NTRK3: variants seen among roughly 807,000 people sequenced by gnomAD.
NTRK3 encodes NT-3 growth factor receptor.
In NTRK3, 24 loss-of-function variants were observed where a neutral mutation model predicts 91.7. The observed-to-expected ratio is 0.26, with a 90% CI of 0.19 to 0.37. The LOEUF is 0.37. Ranked by LOEUF, NTRK3 falls within the 10% of genes least tolerant of loss-of-function variation. The pLI is 1.00. For missense variants in NTRK3, 880 were observed against 1,068.9 expected, an observed-to-expected ratio of 0.82 and a Z score of 2.46; for synonymous variants, 483 against 404.0, an observed-to-expected ratio of 1.20 and a Z score of -2.34.
At chr15:88,033,424 C>A (rs1486546121) in intron 13 of NTRK3, among the ~76,000 whole-genome samples, 3 of 151,510 alleles carry the variant, frequency 2.0e-5, no homozygotes, top group Non-Finnish European at 2.9e-5. Flanking sequence ...GATTCTCATG[C>A]CTCAGCCTCT....
intron 15 of NTRK3, among the ~76,000 whole-genome samples, chr15:87,933,766 A>G (rs545878207): frequency 2.0e-5 from 3 of 152,192 alleles, no homozygotes; most frequent in African/African-American, 4.8e-5. Flanking sequence ...TGTTCTCCCA[A>G]TAGGGGTTTG....
intron 5 of NTRK3, among the ~76,000 whole-genome samples, chr15:88,150,698 A>C (rs2043291259): frequency 6.6e-6 from 1 of 152,174 alleles, no homozygotes; most frequent in Non-Finnish European, 1.5e-5. Flanking sequence ...CAACCCTTGC[A>C]ACTGTACACA....
chr15:87,914,235 T>G (rs1425628858), intron 17 of NTRK3, among the ~76,000 whole-genome samples: 1 of 152,236 alleles, frequency 6.6e-6, no homozygotes, highest in African/African-American at 2.4e-5. Context: ...ATTCTCTGTG[T>G]GCAATAATAA....
At chr15:87,915,322 T>C (rs2067373304) in intron 17 of NTRK3, among the ~76,000 whole-genome samples, 1 of 152,232 alleles carries the variant, frequency 6.6e-6, no homozygotes, top group African/African-American at 2.4e-5. Context: ...GACAGGTGCA[T>C]CACCCTAAGC....
chr15:88,107,853 A>G (rs1226595185), intron 13 of NTRK3, among the ~76,000 whole-genome samples: 2 of 152,086 alleles, frequency 1.3e-5, no homozygotes, highest in African/African-American at 4.8e-5. Context: ...CCAAACTGGA[A>G]GTGGTCACTA....
At position 88,235,135 on chromosome 15, in the gene NTRK3, G is replaced by T. The variant is rs575307236; in HGVS notation, c.248+20771C>A. Among the ~76,000 whole-genome samples, 2 of 152,278 alleles carry T rather than the reference G, an allele frequency of 1.3e-5. No homozygotes were observed. Among genetic ancestry groups the T allele is most frequent in the South Asian group, 4.1e-4 (2 of 4,822 alleles). On this transcript the variant is annotated intron_variant, in intron 3 of 18. Transcript: ENST00000394480. This position sits in a 1 kb window ranked among gnomAD's most constrained non-coding sequence, Gnocchi z 5.2. ...AGAGCACTCTGTTGAGTACCTTCAC[G>T]GAACTTCTTACTCCTGATATGATTG...
chr15:87,875,620 G>T (rs111352549), exon 19 of NTRK3: 19 of 232,910 alleles, frequency 8.2e-5, no homozygotes, highest in African/African-American at 4.0e-4. Context: ...CTCAAAGGCA[G>T]ATGCATCAAT....
chr15:87,924,428 A>G (rs2068124703), intron 17 of NTRK3, among the ~76,000 whole-genome samples: 1 of 152,082 alleles, frequency 6.6e-6, no homozygotes, highest in South Asian at 2.1e-4. Flanking sequence ...GTGCCTTACT[A>G]CCTGCTGCCA....
intron 11 of NTRK3, 58 bp from the exon 12 acceptor site, chr15:88,127,284 G>A: frequency 6.9e-7 from 1 of 1,442,818 alleles, no homozygotes; most frequent in South Asian, 1.2e-5. Flanking sequence ...GGGAGGCTCA[G>A]CCACAGTCCC....
At chr15:88,080,738 A>G (rs2047967203) in intron 13 of NTRK3, among the ~76,000 whole-genome samples, 1 of 152,234 alleles carries the variant, frequency 6.6e-6, no homozygotes, top group African/African-American at 2.4e-5. Context: ...CAGAGTCCAA[A>G]CAACTGAGGC....
intron 17 of NTRK3, among the ~76,000 whole-genome samples, chr15:87,914,882 A>G (rs1042566014): frequency 9.9e-5 from 15 of 152,218 alleles, no homozygotes; most frequent in African/African-American, 3.4e-4. Flanking sequence ...ACCACCACCT[A>G]CCAGTCAACT....
intron 5 of NTRK3, among the ~76,000 whole-genome samples, chr15:88,163,412 G>A (rs895763654): frequency 6.6e-6 from 1 of 152,140 alleles, no homozygotes; most frequent in Admixed American, 6.6e-5. Context: ...CCTCTGAGAA[G>A]CCTTCCCTGA....
chr15:87,900,140 G>A (rs753853284), intron 17 of NTRK3, among the ~76,000 whole-genome samples: 5 of 152,096 alleles, frequency 3.3e-5, no homozygotes, highest in Admixed American at 2.0e-4. Flanking sequence ...AAATAACAGC[G>A]TTAAATTCTC....
At chr15:87,943,692 G>A (rs148052663) in intron 14 of NTRK3, among the ~76,000 whole-genome samples, 1,903 of 151,912 alleles carry the variant, frequency 0.013, 45 homozygotes, top group African/African-American at 0.044. Flanking sequence ...TCCTTCCCTC[G>A]GCAGCAAGAA....
At chr15:88,256,693 A>C in exon 1 of NTRK3, 1 of 387,192 alleles carries the variant, frequency 2.6e-6, no homozygotes, top group Non-Finnish European at 4.5e-6. Flanking sequence ...GAGCTGCAGC[A>C]GCCGCCGCGA....
At chr15:87,877,570 A>C (rs113608353) in intron 18 of NTRK3, among the ~76,000 whole-genome samples, 8 of 151,962 alleles carry the variant, frequency 5.3e-5, no homozygotes, top group Non-Finnish European at 1.2e-4. Flanking sequence ...TGGCCCCTGC[A>C]TGCCTATCTC....
intron 3 of NTRK3, among the ~76,000 whole-genome samples, chr15:88,250,852 C>T (rs916229791): frequency 6.6e-6 from 1 of 152,250 alleles, no homozygotes; most frequent in East Asian, 1.9e-4. Context: ...GTTTATATAT[C>T]TATTATCTAT....
At chr15:88,176,112 G>A (rs2045966502) in intron 5 of NTRK3, among the ~76,000 whole-genome samples, 1 of 147,718 alleles carries the variant, frequency 6.8e-6, no homozygotes, top group Admixed American at 6.7e-5. Flanking sequence ...TGATATGCAT[G>A]TAATATTTGC....
rs2064817074 is a variant in NTRK3 at position 87,871,055 on chromosome 15, G to C, written c.*5880C>G. 7 of 229,550 alleles carry C rather than the reference G, an allele frequency of 3.0e-5. No individual in the cohort carries two copies. In the East Asian group the frequency reaches 4.3e-4, roughly 14 times the overall value. 14.2% of individuals were successfully genotyped at this position (229,550 alleles called of 1,614,324 possible). On this transcript the variant is annotated 3_prime_UTR_variant, in exon 19 of 19. Coordinates refer to ENST00000394480, the Ensembl canonical transcript of NTRK3. Reference sequence around the variant, plus strand: ...TCAAACTGGGTCTTGTTTTAAATTTGGAACTTAGAAGTAAACTAGAAAGAA... The same window carrying C: ...TCAAACTGGGTCTTGTTTTAAATTTCGAACTTAGAAGTAAACTAGAAAGAA...
Sources: gnomAD v4.1 joint callset for allele counts (sites outside exome capture counted in the v4.1 genomes callset) on GRCh38, gnomAD v4.1.1 for gene constraint, Gnocchi (gnomAD v3.1) non-coding constraint, MANE v1.5 for transcripts, NCBI Gene and HGNC (gene_info 2026-07-23, HGNC 2026-07-21) for gene names.